Variants in ANAPC4 observed in about 807,000 individuals in gnomAD.
ANAPC4 encodes anaphase-promoting complex subunit 4.
A neutral mutation model predicts 119.8 loss-of-function variants in ANAPC4; 63 were observed. The ratio of observed to expected loss-of-function variants is 0.53; its 90% CI spans 0.43 to 0.65. ANAPC4 has a LOEUF of 0.65. ANAPC4 is among the 30% of genes least tolerant of loss of function. The pLI, the probability that ANAPC4 is intolerant of heterozygous loss-of-function variation, is 0.00. For missense variants in ANAPC4, 716 were observed against 945.1 expected (o/e 0.76, Z 3.18); for synonymous variants, 283 against 318.6 (o/e 0.89, Z 1.19).
chr4:25,412,113 C>T (rs1490354424), intron 21 of ANAPC4, among the ~76,000 whole-genome samples: 6 of 152,046 alleles, frequency 3.9e-5, no homozygotes, highest in African/African-American at 4.8e-5. Flanking sequence ...CACAAAACTC[C>T]GGGAAACATA....
chr4:25,396,623 G>T, intron 14 of ANAPC4, 41 bp from the exon 15 acceptor site: 1 of 1,415,448 alleles, frequency 7.1e-7, no homozygotes, highest in South Asian at 1.3e-5. Context: ...GTCACTTGAT[G>T]ATCGTCATGA....
chr4:25,402,232 T>G (rs1475744591), intron 16 of ANAPC4, among the ~76,000 whole-genome samples: 1 of 152,252 alleles, frequency 6.6e-6, no homozygotes, highest in Non-Finnish European at 1.5e-5. Flanking sequence ...GACCTACCTC[T>G]TCATTGGTAT....
intron 17 of ANAPC4, among the ~76,000 whole-genome samples, 165 bp downstream of exon 17, chr4:25,403,191 T>C (rs974557529): frequency 6.6e-6 from 1 of 152,164 alleles, no homozygotes; most frequent in Non-Finnish European, 1.5e-5. Flanking sequence ...TATCAACACA[T>C]GGGCAGTCTT....
intron 3 of ANAPC4, among the ~76,000 whole-genome samples, chr4:25,381,437 A>ACT: frequency 6.6e-6 from 1 of 152,140 alleles, no homozygotes; most frequent in African/African-American, 2.4e-5. Flanking sequence ...CAGCCTCCTG[A>ACT]GTAACTAAGA....
At chr4:25,395,685 A>G (rs769237252) in intron 14 of ANAPC4, among the ~76,000 whole-genome samples, 11 of 152,072 alleles carry the variant, frequency 7.2e-5, no homozygotes, top group Non-Finnish European at 2.9e-5. Flanking sequence ...CCTGACCGCA[A>G]GTGATCCACC....
rs1723991405 is a variant in ANAPC4, at chr4:25,418,280, GT to G, written c.2327del (p.Leu776CysfsTer16). On this transcript the variant is annotated frameshift_variant, in exon 29 of 29. Coordinates refer to ENST00000315368, the MANE Select transcript of ANAPC4 (RefSeq NM_013367.3). LOFTEE classifies it low-confidence loss of function (END_TRUNC). ...NKPVKIKEEV[L>X]SESEAENQQA... ...AGCCTGTAAAAATAAAGGAAGAAGT[GT>G]TGTCGGAGTCAGAGGCAGAGAACCA... 6.2e-7 allele frequency: 1 copy of G among 1,614,066 alleles called. No homozygotes were observed.
Position 25,390,237 on chromosome 4 carries a change from A to G in ANAPC4, c.600+17A>G. 1 of 1,558,218 alleles carries G rather than the reference A, an allele frequency of 6.4e-7. No homozygotes were observed. The highest frequency in any genetic ancestry group is 8.8e-7 in the Non-Finnish European group (1 of 1,133,510). The stretch of plus-strand genomic sequence containing the variant: ...GTCACAGGGGTAAGATTTCTTTAAC[A>G]TTTTCTCTTCCTAAATTATTTCTCT... On this transcript the variant is annotated intron_variant, in intron 8 of 28. Transcript: ENST00000315368.
Position 25,409,730 on chromosome 4 carries a change from A to G in ANAPC4, c.1464A>G (p.Ser488=). Residue 488 remains serine (S), a synonymous_variant, in exon 21 of 29, where the codon TCA becomes TCG. Transcript: ENST00000315368. ...YLKDEDDDLV[S]PPNTEGNQWY... is the part of the protein sequence containing the mutation. ...AAGATGAAGATGATGATCTTGTGTC[A>G]CCCCCTAACACAGAAGGAAACCAGT... is the stretch of plus-strand genomic sequence containing the variant. 1 of 1,612,978 alleles carries G rather than the reference A, an allele frequency of 6.2e-7. No homozygotes were observed. Among genetic ancestry groups the G allele is most frequent in the Non-Finnish European group, 8.5e-7 (1 of 1,179,290 alleles).
At chr4:25,404,184 A>G (rs1259259079) in intron 17 of ANAPC4, among the ~76,000 whole-genome samples, 1 of 152,162 alleles carries the variant, frequency 6.6e-6, no homozygotes, top group African/African-American at 2.4e-5. Flanking sequence ...ACCTAACATA[A>G]TTGCTTTTGT....
At position 25,413,565 on chromosome 4, in the gene ANAPC4, C is replaced by G. The variant is rs148138902; in HGVS notation, c.1526-80C>G. On this transcript the variant is annotated intron_variant, in intron 21 of 28. Coordinates refer to ENST00000315368, the MANE Select transcript of ANAPC4 (RefSeq NM_013367.3). ...TCGAGATAAACTGTGCAGACTGGCT[C>G]TAACAGTAGATTATTTTCTTCTAAT... 2.5e-5 allele frequency: 27 copies of G among 1,080,158 alleles called. No individual in the cohort carries two copies. The East Asian group carries it at 6.7e-4, about 27-fold the overall frequency. 66.9% of individuals were successfully genotyped at this position (1,080,158 alleles called of 1,614,324 possible).
At chr4:25,407,552 A>G (rs1723321631) in intron 20 of ANAPC4, among the ~76,000 whole-genome samples, 1 of 152,094 alleles carries the variant, frequency 6.6e-6, no homozygotes, top group East Asian at 1.9e-4. Context: ...CAGTGAGCCA[A>G]GATCAAGCCA....
intron 14 of ANAPC4, among the ~76,000 whole-genome samples, chr4:25,395,813 C>G (rs1722616648): frequency 6.6e-6 from 1 of 152,160 alleles, no homozygotes; most frequent in Non-Finnish European, 1.5e-5. Flanking sequence ...TACATCACCC[C>G]TCCCTTGGAC....
At position 25,415,355 on chromosome 4, in the gene ANAPC4, C is replaced by CT. The variant is rs765507500; in HGVS notation, c.1827-110dup. The CT allele has an allele frequency of 5.9e-5, 44 of 746,310 alleles. No homozygotes were observed. The Admixed American group carries it at 1.3e-3, about 23-fold the overall frequency. The allele number at this position is 746,310 out of a possible 1,614,324, so 46.2% of individuals were successfully genotyped here. A position where few individuals can be genotyped will look rare whatever the true frequency, so the allele number is the denominator to read the frequency against. ...GGCATTTAAACAAGTTCTCAGTGTT[C>CT]TAAAGAAGTACATGTACTGACCCTG... On this transcript the variant is annotated intron_variant, in intron 25 of 28. Coordinates refer to ENST00000315368, the MANE Select transcript of ANAPC4 (RefSeq NM_013367.3).
chr4:25,389,950 G>A (rs947335259), intron 7 of ANAPC4, among the ~76,000 whole-genome samples, 186 bp from the exon 8 acceptor site: 4 of 151,964 alleles, frequency 2.6e-5, no homozygotes, highest in Admixed American at 2.6e-4. Flanking sequence ...TGTGTTCTTT[G>A]AAAAAAGGAA....
intron 16 of ANAPC4, among the ~76,000 whole-genome samples, chr4:25,401,719 A>G (rs1264230205): frequency 1.3e-5 from 2 of 152,138 alleles, no homozygotes; most frequent in South Asian, 2.1e-4. Flanking sequence ...CTGAAATTTA[A>G]TTTCTTTTCT....
intron 3 of ANAPC4, among the ~76,000 whole-genome samples, chr4:25,382,569 T>A (rs1721800100): frequency 6.6e-6 from 1 of 151,880 alleles, no homozygotes; most frequent in South Asian, 2.1e-4. Flanking sequence ...CTCATGTTTT[T>A]GGACAGTAAA....
intron 3 of ANAPC4, among the ~76,000 whole-genome samples, chr4:25,382,847 A>G (rs1414404586): frequency 6.6e-6 from 1 of 152,248 alleles, no homozygotes; most frequent in Non-Finnish European, 1.5e-5. Context: ...TCGTTTAGAA[A>G]CATAAAAGAG....
Position 25,415,529 on chromosome 4 carries a change from A to T in ANAPC4, c.1890A>T (p.Lys630Asn). 6.2e-7 allele frequency: 1 copy of T among 1,612,806 alleles called. No homozygotes were observed. The highest frequency in any genetic ancestry group is 8.5e-7 in the Non-Finnish European group (1 of 1,179,214). ...GCTTTACATATGCCACAACAGAAAA[A>T]GTCAGAAGAAGGTAAGTCTTGAATC... is the stretch of plus-strand genomic sequence containing the variant. Reference protein sequence around the residue: ...FGSFTYATTEKVRRSIYSCLD... With the variant: ...FGSFTYATTENVRRSIYSCLD... Residue 630 changes from lysine (K) to asparagine (N), a missense_variant, in exon 26 of 29, where the codon AAA becomes AAT. Around this residue, in one of 3 missense-constraint regions of ANAPC4, gnomAD observed 504 missense variants for 615.8 expected, o/e 0.82. Transcript: ENST00000315368.
In ANAPC4 at chr4:25,414,510, T is replaced by C. The variant is rs1331295138; in HGVS notation, c.1724+6T>C. ...TTGTTCAAATTTCCTTTTCTGTAAG[T>C]ATATATTTCTTCCCTATCTTGAGTG... On this transcript the variant is annotated splice_donor_region_variant and intron_variant, in intron 24 of 28. Coordinates refer to ENST00000315368, the MANE Select transcript of ANAPC4 (RefSeq NM_013367.3). 6.3e-7 allele frequency: 1 copy of C among 1,595,518 alleles called. No homozygotes were observed. The highest frequency in any genetic ancestry group is 1.7e-5 in the Admixed American group (1 of 59,252).
Sources: gnomAD v4.1 joint callset for allele counts (sites outside exome capture counted in the v4.1 genomes callset) on GRCh38, gnomAD v4.1.1 for gene constraint, gnomAD v4.1.1 regional missense constraint, MANE v1.5 for transcripts, NCBI Gene and HGNC (gene_info 2026-07-23, HGNC 2026-07-21) for gene names.